The following DENND1A variants were observed in gnomAD, a reference collection of about 807,000 sequenced individuals.
DENND1A encodes DENN domain-containing protein 1A.
A neutral mutation model predicts 113.7 loss-of-function variants in DENND1A; 51 were observed. The observed-to-expected ratio is 0.45, with a 90% CI of 0.36 to 0.57. The LOEUF (loss-of-function observed/expected upper bound fraction) is 0.57, where lower values mean the gene tolerates loss of function less well. Ranked by LOEUF, DENND1A falls within the 20% of genes least tolerant of loss-of-function variation. The pLI, the probability that DENND1A is intolerant of heterozygous loss-of-function variation, is 0.00. For synonymous variants in DENND1A, 565 were observed against 570.8 expected (o/e 0.99, Z 0.14); for missense variants, 1,258 against 1,395.9 (o/e 0.90, Z 1.57).
intron 5 of DENND1A, among the ~76,000 whole-genome samples, chr9:123,692,329 A>G (rs2065238984): frequency 6.6e-6 from 1 of 152,266 alleles, no homozygotes; most frequent in Non-Finnish European, 1.5e-5. Context: ...GTTGAGTGCC[A>G]CAAGCACACA....
rs552141479 is a variant in DENND1A at position 123,423,809 on chromosome 9, C to T, written c.1489-11980G>A. Among the ~76,000 whole-genome samples, 29 of 152,268 alleles carry T rather than the reference C, an allele frequency of 1.9e-4. No individual in the cohort carries two copies. In the South Asian group the frequency reaches 5.6e-3, roughly 29 times the overall value. On this transcript the variant is annotated intron_variant, in intron 19 of 23. Coordinates refer to ENST00000394215, the MANE Select transcript of DENND1A (RefSeq NM_001352964.2). ...GGCATAACAGGCCTAACAAGAGGCC[C>T]GTGTGTGGTTCTTGCAAGTTTGCAA...
At chr9:123,581,856 A>C (rs1330364626) in intron 12 of DENND1A, among the ~76,000 whole-genome samples, 1 of 152,160 alleles carries the variant, frequency 6.6e-6, no homozygotes, top group African/African-American at 2.4e-5. Flanking sequence ...TTGCAGGCAG[A>C]GCTACGGAGG....
chr9:123,853,286 G>A (rs1843650412), intron 2 of DENND1A, among the ~76,000 whole-genome samples: 1 of 152,080 alleles, frequency 6.6e-6, no homozygotes, highest in African/African-American at 2.4e-5. Flanking sequence ...CTCCTCAACT[G>A]TTGTACAAAA....
At chr9:123,531,336 C>A (rs1402081470) in intron 13 of DENND1A, among the ~76,000 whole-genome samples, 1 of 152,026 alleles carries the variant, frequency 6.6e-6, no homozygotes, top group Admixed American at 6.6e-5. Context: ...TTCCTTTTGC[C>A]TTCCTTAGTT....
intron 5 of DENND1A, among the ~76,000 whole-genome samples, chr9:123,708,109 G>T (rs2140881883): frequency 6.6e-6 from 1 of 152,114 alleles, no homozygotes; most frequent in African/African-American, 2.4e-5. Context: ...CTTCTCTGAG[G>T]CTTCATAATA....
chr9:123,381,438 G>A lies in DENND1A; in HGVS notation c.3207C>T (p.Phe1069=), dbSNP rs369485557. ...CCCACCCTCAGGGCCCGGCTCACTCGAAGGTCTCCCACTGCTTCCTGAGCT... is the reference window on the plus strand; with the variant it reads ...CCCACCCTCAGGGCCCGGCTCACTCAAAGGTCTCCCACTGCTTCCTGAGCT... ...VEQLRKQWET[F]E The change falls in exon 24 of 24, where the codon TTC becomes TTT. Residue 1069 remains phenylalanine (F), a synonymous_variant. Coordinates refer to ENST00000394215, the MANE Select transcript of DENND1A (RefSeq NM_001352964.2). The surrounding 1 kb of genome is among the most constrained non-coding windows in gnomAD (Gnocchi z 4.7). 4.3e-6 allele frequency: 7 copies of A among 1,613,066 alleles called. No individual in the cohort carries two copies. The highest frequency in any genetic ancestry group is 1.3e-5 in the African/African-American group (1 of 75,020).
At chr9:123,871,363 C>T (rs140717319) in intron 2 of DENND1A, among the ~76,000 whole-genome samples, 1 of 152,278 alleles carries the variant, frequency 6.6e-6, no homozygotes, top group Non-Finnish European at 1.5e-5. Flanking sequence ...GGATTACAGG[C>T]GTGAGACACT....
intron 2 of DENND1A, among the ~76,000 whole-genome samples, chr9:123,797,026 C>T (rs988216290): frequency 6.6e-6 from 1 of 152,152 alleles, no homozygotes; most frequent in Admixed American, 6.6e-5. Flanking sequence ...ACTGCTTTCA[C>T]TTTTAACATG....
chr9:123,666,425 G>C (rs1475571031), intron 8 of DENND1A, among the ~76,000 whole-genome samples: 1 of 152,098 alleles, frequency 6.6e-6, no homozygotes, highest in African/African-American at 2.4e-5. Flanking sequence ...TTGGAGGTAG[G>C]GATGGAGGCC....
intron 13 of DENND1A, among the ~76,000 whole-genome samples, chr9:123,537,137 C>G (rs1488212932): frequency 6.6e-6 from 1 of 151,818 alleles, no homozygotes; most frequent in East Asian, 1.9e-4. Flanking sequence ...TGGCATAAAG[C>G]ATGAAAAACC....
At chr9:123,416,375 G>C (rs1048426663) in intron 19 of DENND1A, among the ~76,000 whole-genome samples, 4 of 152,222 alleles carry the variant, frequency 2.6e-5, no homozygotes, top group African/African-American at 9.6e-5. Flanking sequence ...GGGAGTGTTG[G>C]TTGTCATCGG....
chr9:123,403,786 G>A (rs1254133158), intron 20 of DENND1A, among the ~76,000 whole-genome samples: 1 of 152,088 alleles, frequency 6.6e-6, no homozygotes, highest in Admixed American at 6.5e-5. Context: ...CTGTGGTGAG[G>A]GTCCAATGAG....
At chr9:123,623,410 G>T (rs1282525875) in intron 10 of DENND1A, among the ~76,000 whole-genome samples, 1 of 152,168 alleles carries the variant, frequency 6.6e-6, no homozygotes, top group Non-Finnish European at 1.5e-5. Flanking sequence ...TTTACAGAAA[G>T]ATATTGCAGA....
Position 123,903,027 on chromosome 9 carries a change from A to G in DENND1A, c.18-24006T>C, listed in dbSNP as rs534479005. The stretch of plus-strand genomic sequence containing the variant: ...GGTTTAACATTTGAAAATAAATGTA[A>G]TTCACTACATAAAACTGGAAAAAGG... On this transcript the variant is annotated intron_variant, in intron 1 of 23. Coordinates refer to ENST00000394215, the MANE Select transcript of DENND1A (RefSeq NM_001352964.2). 2.0e-5 allele frequency among the ~76,000 whole-genome samples: 3 copies of G among 152,306 alleles called. No individual in the cohort carries two copies. In the East Asian group the frequency reaches 5.8e-4, roughly 29 times the overall value.
intron 2 of DENND1A, among the ~76,000 whole-genome samples, chr9:123,856,379 AG>A (rs1259041262): frequency 6.6e-6 from 1 of 152,124 alleles, no homozygotes; most frequent in East Asian, 1.9e-4. Context: ...AATTGTGACA[AG>A]GGTGCCCACA....
intron 13 of DENND1A, among the ~76,000 whole-genome samples, chr9:123,488,896 C>T (rs750893895): frequency 3.9e-5 from 6 of 152,198 alleles, no homozygotes; most frequent in South Asian, 2.1e-4. Flanking sequence ...CCGAGCCACC[C>T]GGGAAAGACA....
chr9:123,582,855 T>C (rs1047700309), intron 12 of DENND1A, among the ~76,000 whole-genome samples: 3 of 151,932 alleles, frequency 2.0e-5, no homozygotes, highest in African/African-American at 7.3e-5. Flanking sequence ...TGCACCACCA[T>C]GCCTGGCTAA....
chr9:123,818,089 T>C (rs558758836), intron 2 of DENND1A, among the ~76,000 whole-genome samples: 1 of 152,144 alleles, frequency 6.6e-6, no homozygotes, highest in African/African-American at 2.4e-5. Flanking sequence ...TTATTGGTCA[T>C]TATAGTATTG....
intron 13 of DENND1A, among the ~76,000 whole-genome samples, chr9:123,514,789 C>G (rs2053760924): frequency 6.6e-6 from 1 of 152,122 alleles, no homozygotes; most frequent in Non-Finnish European, 1.5e-5. Flanking sequence ...CATTCCTTGG[C>G]TGTATCAACT....
Sources: gnomAD v4.1 joint callset for allele counts (sites outside exome capture counted in the v4.1 genomes callset) on GRCh38, gnomAD v4.1.1 for gene constraint, Gnocchi (gnomAD v3.1) non-coding constraint, MANE v1.5 for transcripts, NCBI Gene and HGNC (gene_info 2026-07-23, HGNC 2026-07-21) for gene names.